Variants in RRAS2 observed in about 807,000 individuals in gnomAD.
The protein encoded by RRAS2 is RAS related 2, also known as ras-related protein R-Ras2.
Under a neutral mutation model 27.6 loss-of-function variants are expected in RRAS2, and 7 were observed. The ratio of observed to expected loss-of-function variants is 0.25; its 90% CI spans 0.14 to 0.48. The LOEUF (loss-of-function observed/expected upper bound fraction) is 0.48. Ranked by LOEUF, RRAS2 falls within the 20% of genes least tolerant of loss-of-function variation. The pLI, the probability that RRAS2 is intolerant of heterozygous loss-of-function variation, is 0.99. For synonymous variants in RRAS2, 86 were observed against 90.9 expected, an observed-to-expected ratio of 0.95 and a Z score of 0.31; for missense variants, 178 against 256.2, an observed-to-expected ratio of 0.69 and a Z score of 2.08.
intron 1 of RRAS2, among the ~76,000 whole-genome samples, chr11:14,311,364 A>G (rs1161242655): frequency 2.6e-5 from 4 of 152,102 alleles, no homozygotes; most frequent in African/African-American, 9.7e-5. Flanking sequence ...TAAAAATAAA[A>G]TAAAAAAGTA....
chr11:14,293,598 G>A (rs1168867799), intron 4 of RRAS2, among the ~76,000 whole-genome samples: 1 of 152,076 alleles, frequency 6.6e-6, no homozygotes, highest in Non-Finnish European at 1.5e-5. Flanking sequence ...GTTTTATAAA[G>A]GGCGGTTTCC....
rs533031671 is a variant in RRAS2 at position 14,344,782 on chromosome 11, T to G, written c.108+13981A>C. 2.6e-5 allele frequency among the ~76,000 whole-genome samples: 4 copies of G among 152,318 alleles called. No homozygotes were observed. The East Asian group carries it at 7.7e-4, about 29-fold the overall frequency. ...GGACTATCTTCTCCAAAGACTATTT[T>G]GGCTAAAACCGAATGCTACGGATCA... On this transcript the variant is annotated intron_variant, in intron 1 of 5. Transcript: ENST00000256196.
chr11:14,282,585 GA>G (rs1554944491), intron 4 of RRAS2, among the ~76,000 whole-genome samples: 1 of 151,548 alleles, frequency 6.6e-6, no homozygotes, highest in African/African-American at 2.4e-5. Context: ...TTATATTTCT[GA>G]AAACAATACC....
At chr11:14,343,737 G>A (rs1848768590) in intron 1 of RRAS2, among the ~76,000 whole-genome samples, 1 of 152,060 alleles carries the variant, frequency 6.6e-6, no homozygotes, top group Admixed American at 6.5e-5. Context: ...CCGGGGCTGA[G>A]GTGGAAGGAT....
chr11:14,281,335 G>C (rs963466525), intron 5 of RRAS2, among the ~76,000 whole-genome samples: 37 of 152,170 alleles, frequency 2.4e-4, no homozygotes, highest in Admixed American at 2.4e-3. Flanking sequence ...AGACTACCAT[G>C]CAAAAGTTAG....
At chr11:14,289,943 G>C (rs1849764970) in intron 4 of RRAS2, among the ~76,000 whole-genome samples, 1 of 152,124 alleles carries the variant, frequency 6.6e-6, no homozygotes, top group Non-Finnish European at 1.5e-5. Flanking sequence ...TCAAGTCTAA[G>C]ACAAAGGTAG....
At chr11:14,320,460 T>C (rs1554950133) in intron 1 of RRAS2, among the ~76,000 whole-genome samples, 7 of 152,236 alleles carry the variant, frequency 4.6e-5, no homozygotes, top group Non-Finnish European at 1.0e-4. Context: ...GATGTCTTAA[T>C]TTAAGCAGCT....
Position 14,358,210 on chromosome 11 carries a change from G to A in RRAS2, c.108+553C>T. On this transcript the variant is annotated intron_variant, in intron 1 of 5. Coordinates refer to ENST00000256196, the MANE Select transcript of RRAS2 (RefSeq NM_012250.6). This position sits in a 1 kb window ranked among gnomAD's most constrained non-coding sequence, Gnocchi z 5.1. ...CCACCCGGACATATTACCTAAGAGA[G>A]TACTTATAAAAAGAGCGTAACACAC... 2.0e-6 allele frequency: 2 copies of A among 985,016 alleles called. No homozygotes were observed. Among genetic ancestry groups the A allele is most frequent in the Non-Finnish European group, 2.4e-6 (2 of 829,538 alleles). 61.0% of individuals were successfully genotyped at this position (985,016 alleles called of 1,614,324 possible).
At chr11:14,363,720 G>T (rs1020044952), upstream of RRAS2, among the ~76,000 whole-genome samples, 11 of 152,132 alleles carry the variant, frequency 7.2e-5, no homozygotes, top group Admixed American at 2.0e-4. Flanking sequence ...GCAGTGAGCA[G>T]AGATCGTGCC....
intron 1 of RRAS2, among the ~76,000 whole-genome samples, chr11:14,325,959 A>G (rs1162061420): frequency 1.3e-5 from 2 of 152,190 alleles, no homozygotes; most frequent in African/African-American, 4.8e-5. Flanking sequence ...AGCATTTTGA[A>G]GGAGGATCAA....
intron 1 of RRAS2, among the ~76,000 whole-genome samples, chr11:14,322,610 C>T (rs1848251560): frequency 6.6e-6 from 1 of 152,148 alleles, no homozygotes; most frequent in Admixed American, 6.5e-5. Flanking sequence ...AAACCTTAAT[C>T]ATCCAACAAG....
Position 14,319,279 on chromosome 11 carries a change from C to T in RRAS2, c.109-23424G>A, listed in dbSNP as rs782817634. On this transcript the variant is annotated intron_variant, in intron 1 of 5. Transcript: ENST00000256196. ...ATGCCAAGCAGGAAAAGAAGCTTTT[C>T]CCAAGGTATGTGAGTAAAACCTGTA... is the stretch of plus-strand genomic sequence containing the variant. Among the ~76,000 whole-genome samples the T allele has an allele frequency of 2.3e-4, 35 of 152,104 alleles. 1 individual carries two copies. The highest frequency in any genetic ancestry group is 4.0e-4 in the Non-Finnish European group (27 of 68,004).
At chr11:14,300,517 T>G (rs551408653) in intron 1 of RRAS2, among the ~76,000 whole-genome samples, 1 of 151,890 alleles carries the variant, frequency 6.6e-6, no homozygotes, top group African/African-American at 2.4e-5. Flanking sequence ...AAAGATGAGG[T>G]TGCAGTGAGC....
chr11:14,281,374 A>G (rs931903014), intron 5 of RRAS2, among the ~76,000 whole-genome samples: 4 of 151,984 alleles, frequency 2.6e-5, no homozygotes, highest in African/African-American at 9.7e-5. Flanking sequence ...TCACACCATC[A>G]CCCCCTTTGG....
At chr11:14,346,391 T>C (rs190089616) in intron 1 of RRAS2, among the ~76,000 whole-genome samples, 152 of 152,340 alleles carry the variant, frequency 1.0e-3, no homozygotes, top group African/African-American at 3.3e-3. Context: ...CTTCTAGTCA[T>C]ATCCTGATAA....
intron 1 of RRAS2, among the ~76,000 whole-genome samples, chr11:14,347,226 C>T (rs1439709090): frequency 2.0e-5 from 3 of 152,072 alleles, no homozygotes; most frequent in Non-Finnish European, 2.9e-5. Context: ...TGTTTGTAAA[C>T]ACTAAAACCA....
At chr11:14,323,213 G>A (rs1848265053) in intron 1 of RRAS2, among the ~76,000 whole-genome samples, 2 of 152,194 alleles carry the variant, frequency 1.3e-5, no homozygotes, top group African/African-American at 4.8e-5. Context: ...TTGGGAGGCT[G>A]AGATGAGAGG....
intron 1 of RRAS2, among the ~76,000 whole-genome samples, chr11:14,352,029 A>G (rs1848966605): frequency 6.6e-6 from 1 of 152,230 alleles, no homozygotes; most frequent in Non-Finnish European, 1.5e-5. Flanking sequence ...ATTGCAGGGA[A>G]TAAGCAAATA....
intron 1 of RRAS2, among the ~76,000 whole-genome samples, chr11:14,340,693 C>A (rs1289478472): frequency 1.3e-5 from 2 of 152,134 alleles, no homozygotes. Flanking sequence ...CCACAATCAT[C>A]AAAGGATCCC....
Sources: gnomAD v4.1 joint callset for allele counts (sites outside exome capture counted in the v4.1 genomes callset) on GRCh38, gnomAD v4.1.1 for gene constraint, Gnocchi (gnomAD v3.1) non-coding constraint, MANE v1.5 for transcripts, NCBI Gene and HGNC (gene_info 2026-07-23, HGNC 2026-07-21) for gene names.